MACROD2: variants seen among roughly 807,000 people sequenced by gnomAD.
The protein encoded by MACROD2 is ADP-ribose glycohydrolase MACROD2.
A neutral mutation model predicts 70.4 loss-of-function variants in MACROD2; 36 were observed. The ratio of observed to expected loss-of-function variants is 0.51; its 90% confidence interval spans 0.39 to 0.68. MACROD2 has a LOEUF of 0.68. Among genes scored for constraint, MACROD2 ranks in the 30% least tolerant of loss-of-function variants. The pLI is 0.00. For missense variants in MACROD2, 496 were observed against 538.4 expected, an observed-to-expected ratio of 0.92 and a Z score of 0.78; for synonymous variants, 172 against 178.8, an observed-to-expected ratio of 0.96 and a Z score of 0.30.
intron 6 of MACROD2, among the ~76,000 whole-genome samples, chr20:15,320,036 C>T (rs1232589701): frequency 6.6e-6 from 1 of 152,062 alleles, no homozygotes; most frequent in Non-Finnish European, 1.5e-5. Flanking sequence ...TGGTGAAACC[C>T]CATCTCTACT....
intron 8 of MACROD2, among the ~76,000 whole-genome samples, chr20:15,719,166 G>A (rs1360065579): frequency 1.3e-5 from 2 of 152,040 alleles, no homozygotes; most frequent in East Asian, 1.9e-4. Flanking sequence ...TCTTGTTCAG[G>A]TTGTAAATAT....
intron 3 of MACROD2, among the ~76,000 whole-genome samples, chr20:14,086,819 A>T (rs922058636): frequency 6.6e-6 from 1 of 152,230 alleles, no homozygotes; most frequent in African/African-American, 2.4e-5. Flanking sequence ...CAAGGTGGTC[A>T]TCTGTCAGTT....
chr20:14,659,323 C>A (rs1182255480), intron 4 of MACROD2, among the ~76,000 whole-genome samples: 1 of 152,044 alleles, frequency 6.6e-6, no homozygotes, highest in Non-Finnish European at 1.5e-5. Context: ...TTTGGAAGAA[C>A]ACTTGTTGAA....
chr20:15,468,483 T>C (rs1160329719), intron 7 of MACROD2, among the ~76,000 whole-genome samples: 1 of 152,170 alleles, frequency 6.6e-6, no homozygotes, highest in Non-Finnish European at 1.5e-5. Flanking sequence ...TTAGGATGTA[T>C]TATGGCATTA....
At chr20:14,305,149 C>T (rs2082509052) in intron 3 of MACROD2, among the ~76,000 whole-genome samples, 2 of 152,170 alleles carry the variant, frequency 1.3e-5, no homozygotes, top group South Asian at 4.1e-4. Context: ...AAGATGCATG[C>T]TTTGCCTTCT....
chr20:14,015,260 C>T (rs910211301), intron 2 of MACROD2, among the ~76,000 whole-genome samples: 2 of 152,166 alleles, frequency 1.3e-5, no homozygotes, highest in African/African-American at 4.8e-5. Flanking sequence ...CACCAGTATC[C>T]ATTTTCACAA....
At chr20:14,743,166 A>G (rs1033932842) in intron 5 of MACROD2, among the ~76,000 whole-genome samples, 4 of 152,186 alleles carry the variant, frequency 2.6e-5, no homozygotes, top group African/African-American at 9.7e-5. Flanking sequence ...ATGAAATTCA[A>G]TATGATCTGA....
intron 5 of MACROD2, among the ~76,000 whole-genome samples, chr20:15,083,717 C>CTT (rs1361507862): frequency 6.6e-6 from 1 of 151,828 alleles, no homozygotes; most frequent in Admixed American, 6.6e-5. Context: ...GCATATGTGC[C>CTT]TTTATTAAAG....
chr20:14,071,438 T>G (rs2053840939), intron 2 of MACROD2, among the ~76,000 whole-genome samples: 1 of 151,772 alleles, frequency 6.6e-6, no homozygotes, highest in Non-Finnish European at 1.5e-5. Flanking sequence ...TTTTTTGTAT[T>G]TTTAGTAGAG....
chr20:15,304,618 C>T (rs1173819494), intron 6 of MACROD2, among the ~76,000 whole-genome samples: 2 of 152,142 alleles, frequency 1.3e-5, no homozygotes, highest in Admixed American at 6.6e-5. Context: ...GCACCAGTGG[C>T]GTTATCAGCA....
At chr20:15,143,148 C>T (rs183617490) in intron 5 of MACROD2, among the ~76,000 whole-genome samples, 30,069 of 151,816 alleles carry the variant, frequency 0.2, 4,078 homozygotes, top group Non-Finnish European at 0.3. Context: ...AGTGTTCCCA[C>T]TTCTCCACAT....
intron 3 of MACROD2, among the ~76,000 whole-genome samples, chr20:14,200,147 C>T (rs913120196): frequency 6.6e-6 from 1 of 152,134 alleles, no homozygotes. Flanking sequence ...TAACGATAGA[C>T]TGGATAAAGA....
intron 5 of MACROD2, among the ~76,000 whole-genome samples, chr20:14,978,109 C>T (rs1263194302): frequency 6.6e-6 from 1 of 152,012 alleles, no homozygotes; most frequent in Non-Finnish European, 1.5e-5. Context: ...AACCTAGAAC[C>T]CGGTGGTCTT....
chr20:15,683,444 A>T (rs2050187223), intron 8 of MACROD2, among the ~76,000 whole-genome samples: 1 of 152,242 alleles, frequency 6.6e-6, no homozygotes, highest in Non-Finnish European at 1.5e-5. Flanking sequence ...GGAAAATAGA[A>T]AATACTTTCA....
chr20:14,406,216 T>C (rs1245916189), intron 3 of MACROD2, among the ~76,000 whole-genome samples: 2 of 152,190 alleles, frequency 1.3e-5, no homozygotes, highest in African/African-American at 4.8e-5. Flanking sequence ...AGTAACCTTT[T>C]ATTTGCATAA....
intron 2 of MACROD2, among the ~76,000 whole-genome samples, chr20:14,068,221 C>T (rs1208471799): frequency 6.6e-6 from 1 of 152,164 alleles, no homozygotes; most frequent in Non-Finnish European, 1.5e-5. Context: ...TTTCATGAAG[C>T]TTCCTTGGAT....
chr20:14,808,508 A>G (rs778919051), intron 5 of MACROD2, among the ~76,000 whole-genome samples: 1 of 152,124 alleles, frequency 6.6e-6, no homozygotes, highest in Non-Finnish European at 1.5e-5. Context: ...TATTGACACT[A>G]TGAAGAAACT....
intron 5 of MACROD2, among the ~76,000 whole-genome samples, chr20:14,933,379 A>T (rs1030820977): frequency 9.2e-5 from 14 of 152,182 alleles, no homozygotes; most frequent in African/African-American, 3.4e-4. Flanking sequence ...AACCTCTAAG[A>T]TATATTTTTA....
At chr20:14,653,374 A>C (rs1985792176) in intron 4 of MACROD2, among the ~76,000 whole-genome samples, 1 of 151,874 alleles carries the variant, frequency 6.6e-6, no homozygotes, top group African/African-American at 2.4e-5. Flanking sequence ...GCCCGCCACC[A>C]AGCCCGGCTA....
Sources: allele counts gnomAD v4.1 joint callset (sites outside exome capture counted in the v4.1 genomes callset), GRCh38; gene constraint gnomAD v4.1.1; transcripts MANE v1.5; gene names NCBI Gene and HGNC (gene_info 2026-07-23, HGNC 2026-07-21).